The following COL25A1 variants were observed in gnomAD, a reference collection of about 807,000 sequenced individuals.
The protein encoded by COL25A1 is collagen type XXV alpha 1 chain.
A neutral mutation model predicts 128.4 loss-of-function variants in COL25A1; 103 were observed. The observed-to-expected ratio is 0.80, with a 90% CI of 0.68 to 0.94. The LOEUF is 0.94. Among genes scored for constraint, COL25A1 ranks in the 40% least tolerant of loss-of-function variants. The pLI is 0.00. For synonymous variants in COL25A1, 279 were observed against 277.2 expected (o/e 1.01, Z -0.06); for missense variants, 745 against 840.0 (o/e 0.89, Z 1.40).
At chr4:108,848,871 C>T (rs1302696558) in intron 26 of COL25A1, 68 bp from the exon 27 acceptor site, 30 of 1,222,918 alleles carry the variant, frequency 2.5e-5, no homozygotes, top group East Asian at 4.6e-5. Context: ...CATAAAAAAA[C>T]GATGCTAGTT....
In COL25A1 at chr4:108,859,821, C is replaced by T. The variant is rs1324716423; in HGVS notation, c.1243-88G>A. 4 of 870,240 alleles carry T rather than the reference C, an allele frequency of 4.6e-6. No individual in the cohort carries two copies. In the African/African-American group the frequency reaches 6.7e-5, roughly 15 times the overall value. 53.9% of individuals were successfully genotyped at this position (870,240 alleles called of 1,614,324 possible). A position where few individuals can be genotyped will look rare whatever the true frequency, so the allele number is the denominator to read the frequency against. On this transcript the variant is annotated intron_variant, in intron 23 of 37. Transcript: ENST00000399132. The stretch of plus-strand genomic sequence containing the variant: ...GCAGAAACAGAAATACAACTCACAG[C>T]TCTCTCTGAATATCATTTCCCTACT...
At chr4:108,927,628 C>T (rs944967421) in intron 11 of COL25A1, among the ~76,000 whole-genome samples, 1 of 152,130 alleles carries the variant, frequency 6.6e-6, no homozygotes, top group African/African-American at 2.4e-5. Context: ...TATATTTATT[C>T]ATGAGCATTT....
intron 3 of COL25A1, among the ~76,000 whole-genome samples, chr4:109,256,404 A>G (rs1781090986): frequency 6.6e-6 from 1 of 152,134 alleles, no homozygotes; most frequent in Non-Finnish European, 1.5e-5. Context: ...ATGAAAGTGC[A>G]CAGGGTACCA....
intron 3 of COL25A1, among the ~76,000 whole-genome samples, chr4:109,174,963 C>A (rs973881414): frequency 6.6e-6 from 1 of 152,064 alleles, no homozygotes; most frequent in Non-Finnish European, 1.5e-5. Flanking sequence ...GGAACATGAA[C>A]CCTATTGTGA....
At chr4:109,284,897 A>T (rs997061623) in intron 3 of COL25A1, among the ~76,000 whole-genome samples, 39 of 151,668 alleles carry the variant, frequency 2.6e-4, no homozygotes, top group African/African-American at 8.7e-4. Context: ...AACAGCATGT[A>T]TAAAAAAAAA....
chr4:109,143,591 C>T (rs974658844), intron 3 of COL25A1, among the ~76,000 whole-genome samples: 4 of 152,142 alleles, frequency 2.6e-5, no homozygotes, highest in African/African-American at 9.7e-5. Context: ...TTTTTGGAGG[C>T]TTTCTTCGTT....
At chr4:108,973,241 G>C (rs1752098931) in intron 8 of COL25A1, among the ~76,000 whole-genome samples, 1 of 152,144 alleles carries the variant, frequency 6.6e-6, no homozygotes, top group Non-Finnish European at 1.5e-5. Flanking sequence ...TGGATAACGT[G>C]GTGTTTAATC....
chr4:108,954,037 A>C (rs1749771947), intron 8 of COL25A1, among the ~76,000 whole-genome samples: 1 of 152,180 alleles, frequency 6.6e-6, no homozygotes, highest in Non-Finnish European at 1.5e-5. Context: ...ATTGTTATAC[A>C]CTATCTCTAG....
At chr4:108,985,412 GTCT>G (rs1753571452) in intron 6 of COL25A1, among the ~76,000 whole-genome samples, 1 of 152,136 alleles carries the variant, frequency 6.6e-6, no homozygotes, top group Non-Finnish European at 1.5e-5. Context: ...TTAATGTCTT[GTCT>G]TCTTCCTCAC....
chr4:109,139,575 T>C (rs1363629571), intron 3 of COL25A1, among the ~76,000 whole-genome samples: 1 of 152,220 alleles, frequency 6.6e-6, no homozygotes, highest in Non-Finnish European at 1.5e-5. Flanking sequence ...TTATTAAATA[T>C]GGAATCTTTT....
Position 109,063,284 on chromosome 4 carries a change from C to T in COL25A1, c.368-13105G>A, listed in dbSNP as rs532556895. ...TTGGGAGGCCAAGGCATGTGGATCACCTGAGGTCAGGAGTTTGAGACCAGC... is the reference window on the plus strand; with the variant it reads ...TTGGGAGGCCAAGGCATGTGGATCATCTGAGGTCAGGAGTTTGAGACCAGC... On this transcript the variant is annotated intron_variant, in intron 3 of 37. Transcript: ENST00000399132. Among the ~76,000 whole-genome samples, 26 of 152,210 alleles carry T rather than the reference C, an allele frequency of 1.7e-4. 1 individual carries two copies. In the South Asian group the frequency reaches 5.2e-3, roughly 30 times the overall value.
chr4:109,298,683 T>G (rs916772225), intron 3 of COL25A1, among the ~76,000 whole-genome samples: 10 of 152,216 alleles, frequency 6.6e-5, no homozygotes, highest in African/African-American at 2.4e-4. Flanking sequence ...CTTATTTTGA[T>G]GATGTCTGAT....
At chr4:108,970,916 G>A (rs969896177) in intron 8 of COL25A1, among the ~76,000 whole-genome samples, 5 of 151,978 alleles carry the variant, frequency 3.3e-5, no homozygotes, top group African/African-American at 1.2e-4. Flanking sequence ...GTATTCCATT[G>A]TGTATACCAC....
chr4:108,963,442 C>G (rs888060878), intron 8 of COL25A1, among the ~76,000 whole-genome samples: 4 of 151,982 alleles, frequency 2.6e-5, no homozygotes, highest in Non-Finnish European at 5.9e-5. Flanking sequence ...TTGTCCATTT[C>G]AAATACAGGT....
At chr4:109,147,055 G>A (rs1189553490) in intron 3 of COL25A1, among the ~76,000 whole-genome samples, 2 of 152,212 alleles carry the variant, frequency 1.3e-5, no homozygotes, top group African/African-American at 4.8e-5. Context: ...TATGAGAGGA[G>A]GCTTTGGCAA....
At chr4:108,870,379 C>T (rs1381107135) in intron 19 of COL25A1, among the ~76,000 whole-genome samples, 1 of 151,210 alleles carries the variant, frequency 6.6e-6, no homozygotes, top group Non-Finnish European at 1.5e-5. Flanking sequence ...TCACCACCAC[C>T]AGACATATAT....
chr4:108,891,539 TA>T (rs947519243), intron 16 of COL25A1, among the ~76,000 whole-genome samples: 3 of 152,296 alleles, frequency 2.0e-5, no homozygotes, highest in Admixed American at 2.0e-4. Context: ...TTTGAATTCA[TA>T]AAAGCAATTT....
chr4:108,963,675 T>C (rs935391295), intron 8 of COL25A1, among the ~76,000 whole-genome samples: 1 of 152,042 alleles, frequency 6.6e-6, no homozygotes, highest in African/African-American at 2.4e-5. Context: ...TATAGTTTCA[T>C]GTTTGAGAGA....
At chr4:108,942,073 G>T in intron 8 of COL25A1, 2 of 730,678 alleles carry the variant, frequency 2.7e-6, no homozygotes, top group Non-Finnish European at 4.7e-6. Flanking sequence ...GATGCAAGTG[G>T]GGTCCCAAGT....
Sources: allele counts gnomAD v4.1 joint callset (sites outside exome capture counted in the v4.1 genomes callset), GRCh38; gene constraint gnomAD v4.1.1; transcripts MANE v1.5; gene names NCBI Gene and HGNC (gene_info 2026-07-23, HGNC 2026-07-21).